PDHA1: variants seen among roughly 807,000 people sequenced by gnomAD.
PDHA1 encodes pyruvate dehydrogenase E1 subunit alpha 1.
Under a neutral mutation model 33.0 loss-of-function variants are expected in PDHA1, and 1 was observed. That is an observed-to-expected ratio of 0.03 (90% CI 0.01 to 0.14). The LOEUF (loss-of-function observed/expected upper bound fraction) is 0.14. Ranked by LOEUF, PDHA1 falls within the 10% of genes least tolerant of loss-of-function variation. PDHA1 has a pLI of 1.00. For synonymous variants in PDHA1, 123 were observed against 119.2 expected (o/e 1.03, Z -0.21); for missense variants, 168 against 325.1 (o/e 0.52, Z 3.72).
chrX:19,356,448 G>GGAGAGACAGGGAAGT (rs2063200670), intron 8 of PDHA1, among the ~76,000 whole-genome samples: 1 of 111,871 alleles, frequency 8.9e-6, no homozygotes, highest in South Asian at 3.7e-4. Flanking sequence ...GTCACAAAGT[G>GGAGAGACAGGGAAGT]GAGAGACAGG....
At chrX:19,355,663 G>T in intron 7 of PDHA1, 23 bp from the exon 8 acceptor site, 1 of 1,183,995 alleles carries the variant, frequency 8.4e-7, no homozygotes, top group Non-Finnish European at 1.1e-6. Flanking sequence ...TTCATGCTTC[G>T]CCCCTCCCCT....
At position 19,350,173 on chromosome X, in the gene PDHA1, T is replaced by C. The variant is rs751840902; in HGVS notation, c.291+63T>C. The C allele has an allele frequency of 9.8e-5, 80 of 819,280 alleles. No individual in the cohort carries two copies. In the African/African-American group the frequency reaches 1.5e-3, roughly 15 times the overall value. The allele number at this position is 819,280 out of a possible 1,213,427, so 67.5% of individuals were successfully genotyped here. On this transcript the variant is annotated intron_variant, in intron 3 of 10. Coordinates refer to ENST00000422285, the MANE Select transcript of PDHA1 (RefSeq NM_000284.4). ...GTACTGAAGTATGGCTTGTACTTAT[T>C]GGGCTTTACCCTGCCATATGTATCA...
intron 6 of PDHA1, 116 bp downstream of exon 6, chrX:19,354,699 G>A (rs1602227025): frequency 1.8e-6 from 1 of 563,546 alleles, no homozygotes; most frequent in Non-Finnish European, 3.1e-6. Context: ...CAAGTCCTAT[G>A]GCTAGCTCAA....
intron 5 of PDHA1, among the ~76,000 whole-genome samples, chrX:19,354,210 C>T (rs935834151): frequency 2.7e-5 from 3 of 112,574 alleles, no homozygotes; most frequent in African/African-American, 9.7e-5. Context: ...GGATTACAGG[C>T]GTGAGCCACC....
Position 19,360,363 on chromosome X carries a change from CT to C in PDHA1, c.*717del. 6.4e-6 allele frequency: 1 copy of C among 156,163 alleles called. No individual in the cohort carries two copies. Among genetic ancestry groups the C allele is most frequent in the Non-Finnish European group, 1.2e-5 (1 of 82,495 alleles). The allele number at this position is 156,163 out of a possible 1,213,427, so 12.9% of individuals were successfully genotyped here. ...ATTCCAGCAAGTGCTGAAGGGTGTACTTTTTTTGAGACAGGGTCGGGCTCTG... is the reference window on the plus strand; with the variant it reads ...ATTCCAGCAAGTGCTGAAGGGTGTACTTTTTTGAGACAGGGTCGGGCTCTG... On this transcript the variant is annotated 3_prime_UTR_variant, in exon 11 of 11. Transcript: ENST00000422285.
chrX:19,346,206 A>AGGGAGGGAGAAG (rs1207795328), intron 1 of PDHA1, among the ~76,000 whole-genome samples: 1 of 112,356 alleles, frequency 8.9e-6, no homozygotes, highest in African/African-American at 3.2e-5. Flanking sequence ...TACTCCATGA[A>AGGGAGGGAGAAG]GGGAGGGAGA....
chrX:19,345,756 C>CA (rs923147901), intron 1 of PDHA1: 2 of 267,106 alleles, frequency 7.5e-6, no homozygotes, highest in African/African-American at 6.6e-5. Context: ...CCCCCCCCCC[C>CA]CGCCACCTTA....
intron 1 of PDHA1, among the ~76,000 whole-genome samples, chrX:19,344,531 G>A (rs946230052): frequency 2.4e-4 from 27 of 113,352 alleles, no homozygotes; most frequent in Admixed American, 2.3e-3. Flanking sequence ...CGTTCAAACA[G>A]CACCCTCACC....
chrX:19,346,467 C>T (rs915705058), intron 1 of PDHA1: 9 of 406,377 alleles, frequency 2.2e-5, no homozygotes, highest in East Asian at 4.1e-5. Flanking sequence ...AGGCATGTGC[C>T]ACCACCACAC....
At chrX:19,347,532 T>C (rs1430007593) in intron 1 of PDHA1, among the ~76,000 whole-genome samples, 1 of 112,736 alleles carries the variant, frequency 8.9e-6, no homozygotes, top group African/African-American at 3.2e-5. Context: ...TCTTGCTCTT[T>C]ATTGTATAGC....
At position 19,355,514 on chromosome X, in the gene PDHA1, C is replaced by G. The variant is rs375488072; in HGVS notation, c.759+10C>G. ...CATTCCTGGGCTGAGAGTAAGGACA[C>G]CTGTGGTGGGGCCGGGGCCAAGGCC... On this transcript the variant is annotated intron_variant, in intron 7 of 10. Transcript: ENST00000422285. 5.9e-5 allele frequency: 71 copies of G among 1,200,093 alleles called. No individual in the cohort carries two copies. Among genetic ancestry groups the G allele is most frequent in the South Asian group, 5.5e-4 (31 of 56,635 alleles).
intron 1 of PDHA1, among the ~76,000 whole-genome samples, chrX:19,344,612 C>G (rs750249254): frequency 1.2e-3 from 134 of 112,442 alleles, no homozygotes; most frequent in African/African-American, 4.2e-3. Flanking sequence ...AATGTTTGCT[C>G]GAAGTGGAGT....
intron 1 of PDHA1, among the ~76,000 whole-genome samples, chrX:19,348,836 C>T (rs760524336): frequency 1.9e-4 from 21 of 111,550 alleles, no homozygotes; most frequent in Non-Finnish European, 3.4e-4. Flanking sequence ...CCCAGCTACT[C>T]GGGAGACTGA....
Position 19,344,004 on chromosome X carries a change from G to A in PDHA1, c.-34G>A. 1 of 1,198,153 alleles carries A rather than the reference G, an allele frequency of 8.3e-7. No individual in the cohort carries two copies. The highest frequency in any genetic ancestry group is 3.0e-5 in the East Asian group (1 of 33,764). ...ACCCGCGTCGTGCCTCCTGGGTTGT[G>A]AGGAGTCGCCGCTGCCGCCACTGCC... On this transcript the variant is annotated 5_prime_UTR_variant, in exon 1 of 11. Coordinates refer to ENST00000422285, the MANE Select transcript of PDHA1 (RefSeq NM_000284.4).
intron 3 of PDHA1, 113 bp downstream of exon 3, chrX:19,350,223 AT>A: frequency 1.7e-6 from 1 of 584,182 alleles, no homozygotes; most frequent in Admixed American, 2.4e-5. Context: ...TGGTAATGTA[AT>A]TTTCTTTTAT....
At chrX:19,356,317 G>T (rs1271917278) in intron 8 of PDHA1, among the ~76,000 whole-genome samples, 1 of 111,151 alleles carries the variant, frequency 9.0e-6, no homozygotes, top group Non-Finnish European at 1.9e-5. Context: ...AGGTTTGGGT[G>T]TTCTCCCTAA....
At chrX:19,344,271 G>A (rs916154430) in intron 1 of PDHA1, among the ~76,000 whole-genome samples, 177 bp downstream of exon 1, 2 of 112,798 alleles carry the variant, frequency 1.8e-5, no homozygotes, top group Non-Finnish European at 3.8e-5. Context: ...GAAGCGGCAC[G>A]GACCGGGATC....
intron 5 of PDHA1, 119 bp downstream of exon 5, chrX:19,353,292 C>T (rs908026835): frequency 6.5e-5 from 38 of 582,894 alleles, no homozygotes; most frequent in Non-Finnish European, 2.1e-5. Flanking sequence ...TGCACAGTGA[C>T]GCTTTGGTCA....
At chrX:19,354,100 C>T (rs768812504) in intron 5 of PDHA1, among the ~76,000 whole-genome samples, 16 of 111,434 alleles carry the variant, frequency 1.4e-4, no homozygotes, top group Non-Finnish European at 2.8e-4. Context: ...TACGTGCCAC[C>T]ATGCCCAACC....
Sources: gnomAD v4.1 joint callset for allele counts (sites outside exome capture counted in the v4.1 genomes callset) on GRCh38, gnomAD v4.1.1 for gene constraint, MANE v1.5 for transcripts, NCBI Gene and HGNC (gene_info 2026-07-23, HGNC 2026-07-21) for gene names.